PRELID2: variants seen among roughly 807,000 people sequenced by gnomAD.
The protein encoded by PRELID2 is PRELI domain containing 2.
Under a neutral mutation model 28.4 loss-of-function variants are expected in PRELID2, and 25 were observed. The ratio of observed to expected loss-of-function variants is 0.88; its 90% CI spans 0.64 to 1.23. The LOEUF (loss-of-function observed/expected upper bound fraction) is 1.23. Ranked by LOEUF, PRELID2 falls within the 50% of genes most tolerant of loss-of-function variation. The probability of loss-of-function intolerance (pLI) is 0.00; values close to 1 mark genes in which losing one functional copy is unlikely to be tolerated. For synonymous variants in PRELID2, 76 were observed against 71.6 expected, an observed-to-expected ratio of 1.06 and a Z score of -0.31; for missense variants, 201 against 214.4, an observed-to-expected ratio of 0.94 and a Z score of 0.39.
chr5:145,643,918 T>G (rs1754152164), intron 1 of PRELID2, among the ~76,000 whole-genome samples: 1 of 152,242 alleles, frequency 6.6e-6, no homozygotes, highest in Non-Finnish European at 1.5e-5. Context: ...TGTTTGCCAG[T>G]ATTTTATTGA....
chr5:145,321,869 A>G, the PRELID2 span, among the ~76,000 whole-genome samples: 1 of 152,216 alleles, frequency 6.6e-6, no homozygotes, highest in Non-Finnish European at 1.5e-5. Context: ...TGTGTCCAAT[A>G]AGGATATAAC....
intron 5 of PRELID2, among the ~76,000 whole-genome samples, chr5:145,774,011 C>T (rs1758260204): frequency 6.6e-6 from 1 of 152,206 alleles, no homozygotes; most frequent in Non-Finnish European, 1.5e-5. Context: ...AAAGGTCAGT[C>T]TACTGTGTCT....
At chr5:145,816,839 T>C (rs1011267124) in intron 4 of PRELID2, among the ~76,000 whole-genome samples, 3 of 152,040 alleles carry the variant, frequency 2.0e-5, no homozygotes, top group Admixed American at 6.6e-5. Flanking sequence ...TGTATGCAAA[T>C]AATATCTCAA....
At chr5:145,420,176 C>T in the PRELID2 span, among the ~76,000 whole-genome samples, 1 of 152,168 alleles carries the variant, frequency 6.6e-6, no homozygotes, top group South Asian at 2.1e-4. Flanking sequence ...ATGCCTCCAG[C>T]TTTGTTCTTT....
the PRELID2 span, among the ~76,000 whole-genome samples, chr5:145,444,543 C>G: frequency 1.3e-5 from 2 of 151,954 alleles, no homozygotes; most frequent in African/African-American, 4.8e-5. Flanking sequence ...TAATGATTTT[C>G]TCTGGATATT....
chr5:145,328,107 C>T, the PRELID2 span, among the ~76,000 whole-genome samples: 5 of 152,162 alleles, frequency 3.3e-5, no homozygotes, highest in African/African-American at 1.2e-4. Context: ...CTGCAGAGGA[C>T]ATGAATTCAT....
intron 1 of PRELID2, among the ~76,000 whole-genome samples, chr5:145,623,006 T>C (rs923722535): frequency 6.6e-6 from 1 of 152,034 alleles, no homozygotes; most frequent in Admixed American, 6.6e-5. Context: ...AAATATCCCT[T>C]TTCCACAAAT....
At chr5:145,440,759 A>G in the PRELID2 span, 1 of 152,098 alleles carries the variant, frequency 6.6e-6, no homozygotes, top group Non-Finnish European at 1.5e-5. Context: ...TTAATGATCT[A>G]TGGAAGAAAA....
chr5:145,456,543 C>T, the PRELID2 span, among the ~76,000 whole-genome samples: 1 of 152,166 alleles, frequency 6.6e-6, no homozygotes, highest in African/African-American at 2.4e-5. Flanking sequence ...TACCCTCAAC[C>T]TGCTACCCAA....
At chr5:145,720,834 T>C (rs1181658094) in intron 1 of PRELID2, among the ~76,000 whole-genome samples, 2 of 152,002 alleles carry the variant, frequency 1.3e-5, no homozygotes, top group East Asian at 1.9e-4. Flanking sequence ...GGAGAATAAA[T>C]GCATTGATTG....
At chr5:145,420,076 T>C in the PRELID2 span, among the ~76,000 whole-genome samples, 1 of 152,100 alleles carries the variant, frequency 6.6e-6, no homozygotes, top group South Asian at 2.1e-4. Flanking sequence ...CTCTGTTCTG[T>C]TCCATTGATC....
chr5:145,346,184 A>G, the PRELID2 span, among the ~76,000 whole-genome samples: 1 of 152,134 alleles, frequency 6.6e-6, no homozygotes, highest in African/African-American at 2.4e-5. Context: ...AAGTACCCCC[A>G]GCACTAACAT....
At chr5:145,592,796 G>A (rs753228880) in intron 1 of PRELID2, among the ~76,000 whole-genome samples, 13 of 152,020 alleles carry the variant, frequency 8.6e-5, no homozygotes, top group Admixed American at 4.6e-4. Context: ...AAATGCAACC[G>A]ACAGACATTG....
intron 1 of PRELID2, among the ~76,000 whole-genome samples, chr5:145,599,729 A>G (rs1753362713): frequency 6.6e-6 from 1 of 152,168 alleles, no homozygotes; most frequent in African/African-American, 2.4e-5. Context: ...ATTAAAATAA[A>G]TTTCAGATAA....
downstream of PRELID2, among the ~76,000 whole-genome samples, chr5:145,468,445 C>T (rs936520001): frequency 2.0e-5 from 3 of 152,120 alleles, no homozygotes; most frequent in African/African-American, 7.2e-5. Context: ...AATTGGATGG[C>T]TGGGTCAAAT....
intron 1 of PRELID2, among the ~76,000 whole-genome samples, chr5:145,597,673 C>A (rs1357361564): frequency 1.3e-5 from 2 of 152,144 alleles, no homozygotes; most frequent in Non-Finnish European, 2.9e-5. Flanking sequence ...GTCAAGAATT[C>A]TTAACTCTAT....
the PRELID2 span, among the ~76,000 whole-genome samples, chr5:145,306,372 T>A: frequency 6.6e-5 from 10 of 152,290 alleles, no homozygotes; most frequent in South Asian, 2.1e-4. Context: ...TTATATTTTT[T>A]AAAAATGAAA....
chr5:145,237,478 T>C, the PRELID2 span, among the ~76,000 whole-genome samples: 1 of 152,110 alleles, frequency 6.6e-6, no homozygotes, highest in Non-Finnish European at 1.5e-5. Context: ...AATGTTTGTG[T>C]AGTCATTTCT....
intron 1 of PRELID2, among the ~76,000 whole-genome samples, chr5:145,582,294 T>G (rs993440107): frequency 2.0e-5 from 3 of 152,012 alleles, no homozygotes; most frequent in African/African-American, 7.2e-5. Context: ...AAGGCCCCAG[T>G]AAATTTATAA....
Sources: gnomAD v4.1 joint callset for allele counts (sites outside exome capture counted in the v4.1 genomes callset) on GRCh38, gnomAD v4.1.1 for gene constraint, MANE v1.5 for transcripts, NCBI Gene and HGNC (gene_info 2026-07-23, HGNC 2026-07-21) for gene names.